The following EHBP1 variants were observed in gnomAD, a reference collection of about 807,000 sequenced individuals.
The protein encoded by EHBP1 is EH domain binding protein 1, also known as EH domain-binding protein 1.
EHBP1 carries 55 observed loss-of-function variants against 144.0 expected under a neutral mutation model. The observed-to-expected ratio is 0.38, with a 90% CI of 0.31 to 0.48. The LOEUF (loss-of-function observed/expected upper bound fraction) is 0.48. EHBP1 is among the 20% of genes least tolerant of loss of function. EHBP1 has a pLI of 0.98. For missense variants in EHBP1, 1,200 were observed against 1,364.2 expected, an observed-to-expected ratio of 0.88 and a Z score of 1.90; for synonymous variants, 469 against 472.7, an observed-to-expected ratio of 0.99 and a Z score of 0.10.
chr2:62,736,410 G>C (rs1355523235), intron 2 of EHBP1, among the ~76,000 whole-genome samples: 1 of 151,890 alleles, frequency 6.6e-6, no homozygotes, highest in Non-Finnish European at 1.5e-5. Context: ...TTTTAGTAGA[G>C]ATGGGGTTTT....
At chr2:62,944,600 G>A (rs566643956) in intron 12 of EHBP1, among the ~76,000 whole-genome samples, 3 of 152,282 alleles carry the variant, frequency 2.0e-5, no homozygotes, top group African/African-American at 7.2e-5. Context: ...TATCCCCATT[G>A]TTAAGCAACA....
At chr2:62,990,053 A>C (rs1199935444) in intron 15 of EHBP1, among the ~76,000 whole-genome samples, 1 of 152,146 alleles carries the variant, frequency 6.6e-6, no homozygotes. Context: ...CCTTTTATTA[A>C]TTTAAGAATT....
At chr2:62,839,501 A>G (rs1472835182) in intron 7 of EHBP1, among the ~76,000 whole-genome samples, 26 of 148,576 alleles carry the variant, frequency 1.7e-4, no homozygotes, top group Non-Finnish European at 2.8e-4. Context: ...GGGCAATTAG[A>G]CAGGAGAAGG....
At chr2:62,818,804 G>A (rs573662060) in intron 5 of EHBP1, among the ~76,000 whole-genome samples, 1 of 152,196 alleles carries the variant, frequency 6.6e-6, no homozygotes, top group East Asian at 1.9e-4. Context: ...GAACAAAGGA[G>A]AAAAGGCACA....
At chr2:62,936,715 G>T (rs1336902756) in intron 10 of EHBP1, among the ~76,000 whole-genome samples, 1 of 151,902 alleles carries the variant, frequency 6.6e-6, no homozygotes, top group East Asian at 1.9e-4. Context: ...AATCTTTCTA[G>T]CAGTAGAATA....
chr2:62,943,684 G>A, intron 11 of EHBP1, 118 bp from the exon 12 acceptor site: 1 of 514,822 alleles, frequency 1.9e-6, no homozygotes, highest in Non-Finnish European at 3.4e-6. Flanking sequence ...GAATTGCTGT[G>A]AAATTGCTGG....
At chr2:62,852,108 A>G (rs1041841129) in intron 7 of EHBP1, among the ~76,000 whole-genome samples, 5 of 152,170 alleles carry the variant, frequency 3.3e-5, no homozygotes, top group South Asian at 2.1e-4. Context: ...TACTTCTTCT[A>G]TATTCCCTGC....
chr2:62,768,817 C>T (rs549663962), intron 4 of EHBP1, among the ~76,000 whole-genome samples: 10 of 152,244 alleles, frequency 6.6e-5, no homozygotes, highest in Non-Finnish European at 1.2e-4. Flanking sequence ...TAATCTACCA[C>T]GATCAAGTCA....
chr2:62,712,992 G>T (rs1429551655), intron 2 of EHBP1, among the ~76,000 whole-genome samples: 1 of 152,072 alleles, frequency 6.6e-6, no homozygotes. Context: ...ATAAATTTAA[G>T]TAGAATTTCT....
chr2:63,038,906 C>T, intron 21 of EHBP1, 90 bp downstream of exon 21: 3 of 1,281,246 alleles, frequency 2.3e-6, no homozygotes, highest in Non-Finnish European at 3.4e-6. Flanking sequence ...CTTACTAGAT[C>T]TGGTGTACTA....
At chr2:62,908,652 ATTTGT>A (rs1022799352) in intron 10 of EHBP1, among the ~76,000 whole-genome samples, 37 of 151,702 alleles carry the variant, frequency 2.4e-4, no homozygotes, top group African/African-American at 8.7e-4. Flanking sequence ...AATTTTTTTT[ATTTGT>A]TTTGAGTCTT....
chr2:62,990,149 G>A (rs2059356075), intron 15 of EHBP1, among the ~76,000 whole-genome samples: 1 of 151,938 alleles, frequency 6.6e-6, no homozygotes, highest in Admixed American at 6.6e-5. Context: ...AATCTGTATT[G>A]TATTTCTGCT....
intron 5 of EHBP1, among the ~76,000 whole-genome samples, chr2:62,790,100 G>C (rs1159166833): frequency 6.6e-6 from 1 of 152,156 alleles, no homozygotes; most frequent in Non-Finnish European, 1.5e-5. Flanking sequence ...TTCCACTGTA[G>C]CAGCAGCATG....
intron 2 of EHBP1, among the ~76,000 whole-genome samples, chr2:62,707,953 T>C (rs1429700365): frequency 6.6e-6 from 1 of 152,136 alleles, no homozygotes; most frequent in African/African-American, 2.4e-5. Context: ...TTGAGAAGAG[T>C]AAATATAGGG....
chr2:62,871,918 C>G (rs1360710872), intron 9 of EHBP1: 1 of 152,086 alleles, frequency 6.6e-6, no homozygotes, highest in African/African-American at 2.4e-5. Flanking sequence ...AACCAATAAG[C>G]CAATATTATT....
At chr2:62,956,688 G>GA (rs552448173) in intron 14 of EHBP1, among the ~76,000 whole-genome samples, 1,360 of 107,378 alleles carry the variant, frequency 0.013, 14 homozygotes, top group African/African-American at 0.021. Flanking sequence ...TCTACTTACA[G>GA]AAAAAAAAAA....
intron 19 of EHBP1, among the ~76,000 whole-genome samples, chr2:63,032,480 T>C (rs1383246696): frequency 6.7e-6 from 1 of 149,698 alleles, no homozygotes; most frequent in Admixed American, 6.7e-5. Flanking sequence ...GGCAGGAGAA[T>C]TGTTTGAACC....
chr2:62,805,076 A>G (rs2044338474), intron 5 of EHBP1, among the ~76,000 whole-genome samples: 1 of 152,214 alleles, frequency 6.6e-6, no homozygotes, highest in South Asian at 2.1e-4. Context: ...TTTTTAAAGT[A>G]TACATGTTTT....
chr2:62,888,327 A>C (rs1421496440), intron 10 of EHBP1, among the ~76,000 whole-genome samples: 1 of 152,226 alleles, frequency 6.6e-6, no homozygotes, highest in Non-Finnish European at 1.5e-5. Flanking sequence ...AATACCCCTA[A>C]AAGTTTGCCT....
Sources: gnomAD v4.1 joint callset for allele counts (sites outside exome capture counted in the v4.1 genomes callset) on GRCh38, gnomAD v4.1.1 for gene constraint, MANE v1.5 for transcripts, NCBI Gene and HGNC (gene_info 2026-07-23, HGNC 2026-07-21) for gene names.